Variants in KMT2B observed in about 807,000 individuals in gnomAD.
KMT2B encodes histone-lysine N-methyltransferase 2B.
In KMT2B, 22 loss-of-function variants were observed where a neutral mutation model predicts 255.3. That is an observed-to-expected ratio of 0.09 (90% CI 0.06 to 0.12). The LOEUF (loss-of-function observed/expected upper bound fraction) is 0.12. KMT2B is among the 10% of genes least tolerant of loss of function. The probability of loss-of-function intolerance (pLI) is 1.00; values close to 1 mark genes in which losing one functional copy is unlikely to be tolerated. For synonymous variants in KMT2B, 1,730 were observed against 1,498.1 expected (o/e 1.15, Z -3.57); for missense variants, 3,149 against 3,737.0 (o/e 0.84, Z 4.10).
In KMT2B at chr19:35,737,764, G is replaced by A. The variant is rs1420396847; in HGVS notation, c.7658+21G>A. The A allele has an allele frequency of 6.4e-7, 1 of 1,555,664 alleles. No individual in the cohort carries two copies. Among genetic ancestry groups the A allele is most frequent in the African/African-American group, 1.4e-5 (1 of 73,590 alleles). Reference sequence around the variant, plus strand: ...ACCAGGTATGGAGTGTGAGCTGGGGGGCGGGTGGTGGTCTGGAAGGGTCTT... The same window carrying A: ...ACCAGGTATGGAGTGTGAGCTGGGGAGCGGGTGGTGGTCTGGAAGGGTCTT... On this transcript the variant is annotated intron_variant, in intron 34 of 36. Transcript: ENST00000420124. This position sits in a 1 kb window ranked among gnomAD's most constrained non-coding sequence, Gnocchi z 5.3.
In KMT2B at chr19:35,725,072, C is replaced by G; in HGVS notation, c.3513C>G (p.Val1171=). ...AGTCTCCCGATGGTGTGCACCGCGT[C>G]CGTGTGGATTTTAAGGTATGGCATT... ...KQKSPDGVHR[V]RVDFKEDCDL... Residue 1171 remains valine, a synonymous_variant, in exon 10 of 37, where the codon GTC becomes GTG. Transcript: ENST00000420124. The surrounding 1 kb of genome is among the most constrained non-coding windows in gnomAD (Gnocchi z 4.1). The G allele has an allele frequency of 6.2e-7, 1 of 1,612,932 alleles. No individual in the cohort carries two copies. Among genetic ancestry groups the G allele is most frequent in the Non-Finnish European group, 8.5e-7 (1 of 1,179,088 alleles).
At chr19:35,726,983 CAAA>C (rs34515466) in intron 14 of KMT2B, among the ~76,000 whole-genome samples, 170 bp from the exon 15 acceptor site, 17 of 62,852 alleles carry the variant, frequency 2.7e-4, no homozygotes, top group Admixed American at 8.9e-4. Flanking sequence ...GACACTGTCT[CAAA>C]AAAAAAAAAA....
chr19:35,720,558 C>T lies in KMT2B; in HGVS notation c.1211C>T (p.Pro404Leu), dbSNP rs1021849113. 5.2e-5 allele frequency: 81 copies of T among 1,545,824 alleles called. No individual in the cohort carries two copies. The highest frequency in any genetic ancestry group is 3.7e-4 in the Middle Eastern group (2 of 5,402). The change falls in exon 3 of 37, where the codon CCG (proline) becomes CTG (leucine). Residue 404 changes from proline to leucine, a missense_variant. Physicochemically the swap from Pro to Leu is moderately conservative, Grantham distance 98 (BLOSUM62 -3). This residue lies in a region of KMT2B where 1,188 missense variants were observed against 1,106.4 expected (regional missense o/e 1.07). Transcript: ENST00000420124. Reference sequence around the variant, plus strand: ...AAGGAAGAGGCAAAGCTGCCACCACCGCCTCTGACTCCTCCAGCCCCTTCA... The same window carrying T: ...AAGGAAGAGGCAAAGCTGCCACCACTGCCTCTGACTCCTCCAGCCCCTTCA... Reference protein sequence around the residue: ...AEKEEAKLPPPPLTPPAPSPP... With the variant: ...AEKEEAKLPPLPLTPPAPSPP...
chr19:35,730,897 A>G, intron 26 of KMT2B, 30 bp downstream of exon 26: 3 of 1,560,222 alleles, frequency 1.9e-6, no homozygotes, highest in Non-Finnish European at 2.6e-6. Context: ...TTCTTCCTGA[A>G]TACCGCTCTC....
At position 35,725,101 on chromosome 19, in the gene KMT2B, TG is replaced by T; in HGVS notation, c.3528+18del. 1 of 1,602,082 alleles carries T rather than the reference TG, an allele frequency of 6.2e-7. No homozygotes were observed. The highest frequency in any genetic ancestry group is 8.6e-7 in the Non-Finnish European group (1 of 1,169,204). On this transcript the variant is annotated intron_variant, in intron 10 of 36. Coordinates refer to ENST00000420124, the MANE Select transcript of KMT2B (RefSeq NM_014727.3). The surrounding 1 kb of genome is among the most constrained non-coding windows in gnomAD (Gnocchi z 4.1). ...GTGGATTTTAAGGTATGGCATTGAG[TG>T]GGGCGAGTCACAGAGCCTCTGGTTG...
In KMT2B at chr19:35,729,155, C is replaced by G. The variant is rs751038223; in HGVS notation, c.4780-4C>G. On this transcript the variant is annotated splice_region_variant and splice_polypyrimidine_tract_variant and intron_variant, in intron 21 of 36. Coordinates refer to ENST00000420124, the MANE Select transcript of KMT2B (RefSeq NM_014727.3). ...CACATCATGCCACTCCTCTTCTGCCCCAGGAGGCGGGGCGGCTCTTGTACA... is the reference window on the plus strand; with the variant it reads ...CACATCATGCCACTCCTCTTCTGCCGCAGGAGGCGGGGCGGCTCTTGTACA... The G allele has an allele frequency of 3.1e-6, 5 of 1,613,830 alleles. No homozygotes were observed. In the South Asian group the frequency reaches 5.5e-5, roughly 18 times the overall value.
rs745657459 is a variant in KMT2B, at chr19:35,736,768, A to G, written c.7238A>G (p.His2413Arg). 1.9e-6 allele frequency: 3 copies of G among 1,613,880 alleles called. No individual in the cohort carries two copies. The highest frequency in any genetic ancestry group is 1.1e-5 in the South Asian group (1 of 91,088). Residue 2413 changes from histidine (H) to arginine (R), a missense_variant, in exon 31 of 37, where the codon CAT becomes CGT. Transcript: ENST00000420124. Reference sequence around the variant, plus strand: ...CAGGCCCCAAAACGGACTGGCCCACATCTGCGCTTCGAGATCAGCAGTGAG... The same window carrying G: ...CAGGCCCCAAAACGGACTGGCCCACGTCTGCGCTTCGAGATCAGCAGTGAG... ...ENQAPKRTGP[H>R]LRFEISSEDG...
At chr19:35,724,390 C>G (rs1969344954) in intron 8 of KMT2B, among the ~76,000 whole-genome samples, 2 of 152,198 alleles carry the variant, frequency 1.3e-5, no homozygotes, top group South Asian at 4.2e-4. Flanking sequence ...CTCAGCTGCT[C>G]AGGAGGCTGA....
In KMT2B at chr19:35,728,975, T is replaced by C. The variant is rs1232611907; in HGVS notation, c.4688-10T>C. ...TGATTCTTAGACCTCCCTTCACATT[T>C]CCTCTTCAGCATTCCAGGGCAAGGA... On this transcript the variant is annotated splice_polypyrimidine_tract_variant and intron_variant, in intron 20 of 36. Coordinates refer to ENST00000420124, the MANE Select transcript of KMT2B (RefSeq NM_014727.3). 6.2e-7 allele frequency: 1 copy of C among 1,613,870 alleles called. No individual in the cohort carries two copies. Among genetic ancestry groups the C allele is most frequent in the South Asian group, 1.1e-5 (1 of 91,080 alleles).
Position 35,721,484 on chromosome 19 carries a change from A to G in KMT2B, c.2137A>G (p.Thr713Ala). ...SLPRFAPVVT[T>A]PVKAEVSPHG... ...GCCTCGATTCGCCCCTGTGGTCACC[A>G]CTCCTGTTAAGGCCGAGGTGTCCCC... Residue 713 changes from threonine to alanine, a missense_variant, in exon 3 of 37, where the codon ACT (threonine) becomes GCT (alanine). Thr to Ala is a moderately conservative substitution (Grantham distance 58). Around this residue, in one of 18 missense-constraint regions of KMT2B, gnomAD observed 1,188 missense variants for 1,106.4 expected, o/e 1.07. Coordinates refer to ENST00000420124, the MANE Select transcript of KMT2B (RefSeq NM_014727.3). The G allele has an allele frequency of 1.2e-6, 2 of 1,612,110 alleles. No homozygotes were observed. The highest frequency in any genetic ancestry group is 1.7e-6 in the Non-Finnish European group (2 of 1,179,712).
At chr19:35,724,193 T>C (rs1292863052) in intron 8 of KMT2B, among the ~76,000 whole-genome samples, 186 bp downstream of exon 8, 2 of 152,144 alleles carry the variant, frequency 1.3e-5, no homozygotes, top group Non-Finnish European at 2.9e-5. Flanking sequence ...GTGAGCCTAA[T>C]GAGTGAGACT....
chr19:35,730,353 C>T lies in KMT2B; in HGVS notation c.5088C>T (p.Asn1696=), dbSNP rs1398865251. 2.4e-5 allele frequency: 38 copies of T among 1,612,124 alleles called. No individual in the cohort carries two copies. The highest frequency in any genetic ancestry group is 3.0e-5 in the Non-Finnish European group (35 of 1,178,406). ...ACCCCCTCTTCCAGGAAATTGTGAA[C>T]CCCGATGGTTTTGATGTTCTCCGCC... is the stretch of plus-strand genomic sequence containing the variant. ...TDLLDGKEIV[N]PDGFDVLRRV... is the part of the protein sequence containing the mutation. Residue 1696 remains asparagine (N), a synonymous_variant, in exon 24 of 37, where the codon AAC becomes AAT. Transcript: ENST00000420124.
At position 35,721,110 on chromosome 19, in the gene KMT2B, C is replaced by G; in HGVS notation, c.1763C>G (p.Thr588Ser). 1 of 1,610,306 alleles carries G rather than the reference C, an allele frequency of 6.2e-7. No individual in the cohort carries two copies. The highest frequency in any genetic ancestry group is 8.5e-7 in the Non-Finnish European group (1 of 1,178,808). ...APVPSPPRAP[T>S]PPSTPVPLPE... ...GTCCCCTCTCCACCACGTGCCCCAA[C>G]TCCTCCATCTACCCCAGTTCCACTC... The change falls in exon 3 of 37, where the codon ACT becomes AGT. Residue 588 changes from threonine (T) to serine (S), a missense_variant. Transcript: ENST00000420124.
intron 8 of KMT2B, among the ~76,000 whole-genome samples, chr19:35,724,308 C>T (rs1433612457): frequency 6.6e-6 from 1 of 152,134 alleles, no homozygotes; most frequent in South Asian, 2.1e-4. Context: ...CAAGACCAGC[C>T]TGGGCAACAT....
chr19:35,723,193 G>T lies in KMT2B; in HGVS notation c.2921G>T (p.Arg974Leu). The T allele has an allele frequency of 1.2e-6, 2 of 1,613,292 alleles. No homozygotes were observed. The highest frequency in any genetic ancestry group is 2.2e-5 in the East Asian group (1 of 44,884). ...TGTGGACACTGTCGGGGCTGCCTACGTGTGCAGGACTGTGGGTCCTGTGTC... is the reference window on the plus strand; with the variant it reads ...TGTGGACACTGTCGGGGCTGCCTACTTGTGCAGGACTGTGGGTCCTGTGTC... ...ARCGHCRGCL[R>L]VQDCGSCVNC... The change falls in exon 6 of 37, where the codon CGT becomes CTT. Residue 974 changes from arginine to leucine, a missense_variant. Physicochemically the swap from Arg to Leu is moderately radical, Grantham distance 102. Around this residue, in one of 18 missense-constraint regions of KMT2B, gnomAD observed 132 missense variants for 174.7 expected, o/e 0.76. Coordinates refer to ENST00000420124, the MANE Select transcript of KMT2B (RefSeq NM_014727.3). This position sits in a 1 kb window ranked among gnomAD's most constrained non-coding sequence, Gnocchi z 7.5.
At position 35,720,928 on chromosome 19, in the gene KMT2B, T is replaced by C; in HGVS notation, c.1581T>C (p.Phe527=). ...CCTTCCTGAAGAATATCCGGCAGTT[T>C]ATTATGCCTGTGGTGAGTGCCCGCT... ...STTFLKNIRQ[F]IMPVVSARSS... Residue 527 remains phenylalanine (F), a synonymous_variant, in exon 3 of 37, where the codon TTT becomes TTC. Transcript: ENST00000420124. The C allele has an allele frequency of 1.2e-6, 2 of 1,611,220 alleles. No individual in the cohort carries two copies. The highest frequency in any genetic ancestry group is 1.7e-6 in the Non-Finnish European group (2 of 1,179,032).
At position 35,732,576 on chromosome 19, in the gene KMT2B, C is replaced by G. The variant is rs371641922; in HGVS notation, c.6027C>G (p.Ala2009=). The G allele has an allele frequency of 1.9e-6, 3 of 1,613,560 alleles. No homozygotes were observed. Among genetic ancestry groups the G allele is most frequent in the Non-Finnish European group, 2.5e-6 (3 of 1,179,838 alleles). Residue 2009 remains alanine (A), a synonymous_variant, in exon 28 of 37, where the codon GCC becomes GCG. Transcript: ENST00000420124. ...GTEPFQEEIV[A]AGAMGSSHGG... is the part of the protein sequence containing the mutation. ...AGCCCTTCCAGGAAGAGATTGTAGC[C>G]GCTGGGGCCATGGGGAGCAGCCACG...
Position 35,733,984 on chromosome 19 carries a change from G to A in KMT2B, c.7159+112G>A, listed in dbSNP as rs950893546. 1.4e-6 allele frequency: 1 copy of A among 722,780 alleles called. No homozygotes were observed. The highest frequency in any genetic ancestry group is 2.4e-6 in the Non-Finnish European group (1 of 424,254). The allele number at this position is 722,780 out of a possible 1,614,324, so 44.8% of individuals were successfully genotyped here. On this transcript the variant is annotated intron_variant, in intron 30 of 36. Coordinates refer to ENST00000420124, the MANE Select transcript of KMT2B (RefSeq NM_014727.3). The surrounding 1 kb of genome is among the most constrained non-coding windows in gnomAD (Gnocchi z 4.3). ...ACCAGTATCTACTCCCAGGGGCCAA[G>A]CCTGAGGCTCGGTGCTAGAGTTAGA...
In KMT2B at chr19:35,720,436, CGAG is replaced by C. The variant is rs1568367978; in HGVS notation, c.1092_1094del (p.Glu367del). ...AAAAGCAGGAACAGAAGCTGGATGA[CGAG>C]GAAGAAGAGAAGAAAGAAGAAGAAG... On this transcript the variant is annotated inframe_deletion, in exon 3 of 37. Coordinates refer to ENST00000420124, the MANE Select transcript of KMT2B (RefSeq NM_014727.3). 5.8e-6 allele frequency: 9 copies of C among 1,554,092 alleles called. No individual in the cohort carries two copies. The highest frequency in any genetic ancestry group is 7.8e-6 in the Non-Finnish European group (9 of 1,148,642).
Sources: gnomAD v4.1 joint callset for allele counts (sites outside exome capture counted in the v4.1 genomes callset) on GRCh38, gnomAD v4.1.1 for gene constraint, gnomAD v4.1.1 regional missense constraint, Gnocchi (gnomAD v3.1) non-coding constraint, MANE v1.5 for transcripts, NCBI Gene and HGNC (gene_info 2026-07-23, HGNC 2026-07-21) for gene names.